PRKCZ: variants seen among roughly 807,000 people sequenced by gnomAD.
PRKCZ encodes the protein protein kinase C zeta type.
In PRKCZ, 33 loss-of-function variants were observed where a neutral mutation model predicts 79.5. That is an observed-to-expected ratio of 0.41 (90% CI 0.31 to 0.55). The LOEUF (loss-of-function observed/expected upper bound fraction) is 0.55. PRKCZ is among the 20% of genes least tolerant of loss of function. The pLI, the probability that PRKCZ is intolerant of heterozygous loss-of-function variation, is 0.19. For synonymous variants in PRKCZ, 342 were observed against 320.9 expected (o/e 1.07, Z -0.70); for missense variants, 578 against 813.5 (o/e 0.71, Z 3.52).
At chr1:2,069,207 T>G (rs1661366731) in intron 4 of PRKCZ, among the ~76,000 whole-genome samples, 1 of 152,070 alleles carries the variant, frequency 6.6e-6, no homozygotes, top group Non-Finnish European at 1.5e-5. Flanking sequence ...GCTGTGCTTG[T>G]TGAAACTGAG....
intron 7 of PRKCZ, 44 bp downstream of exon 7, chr1:2,146,152 C>G (rs756788395): frequency 1.3e-6 from 2 of 1,525,830 alleles, no homozygotes; most frequent in Admixed American, 3.3e-5. Context: ...TGGGCATCAC[C>G]TCACCCTGCT....
rs13302928 is a variant in PRKCZ at position 2,082,783 on chromosome 1, G to A, written c.334+23192G>A. On this transcript the variant is annotated intron_variant, in intron 4 of 17. Transcript: ENST00000378567. The surrounding 1 kb of genome is among the most constrained non-coding windows in gnomAD (Gnocchi z 4.4). ...TCCGGGGGTGGCTTTGAGGACACCTGTCCTCCTTCACAGGGGCACTCCGGA... is the reference window on the plus strand; with the variant it reads ...TCCGGGGGTGGCTTTGAGGACACCTATCCTCCTTCACAGGGGCACTCCGGA... 0.094 allele frequency among the ~76,000 whole-genome samples: 14,252 copies of A among 151,346 alleles called. 872 individuals carry two copies. Among genetic ancestry groups the A allele is most frequent in the Middle Eastern group, 0.14 (41 of 292 alleles).
chr1:2,103,174 GC>G (rs907849809), intron 4 of PRKCZ, among the ~76,000 whole-genome samples: 17 of 152,170 alleles, frequency 1.1e-4, no homozygotes, highest in Non-Finnish European at 2.2e-4. Context: ...TTTTTGGGGG[GC>G]AAGAATTGTA....
Position 2,094,491 on chromosome 1 carries a change from C to T in PRKCZ, c.334+34900C>T, listed in dbSNP as rs1364925268. ...ACCTTGGGCGCTGCCCGTTCTGAGG[C>T]GCCCTCTGTGCCCGGCTCGTTGAAC... On this transcript the variant is annotated intron_variant, in intron 4 of 17. Transcript: ENST00000378567. The surrounding 1 kb of genome is among the most constrained non-coding windows in gnomAD (Gnocchi z 7.3). Among the ~76,000 whole-genome samples the T allele has an allele frequency of 8.4e-5, 12 of 143,390 alleles. No homozygotes were observed. The highest frequency in any genetic ancestry group is 4.4e-4 in the South Asian group (2 of 4,502). 94.1% of individuals were successfully genotyped at this position (143,390 alleles called of 152,430 possible).
Position 2,174,005 on chromosome 1 carries a change from A to G in PRKCZ, c.1394A>G (p.Tyr465Cys), listed in dbSNP as rs1395797132. 3.1e-6 allele frequency: 5 copies of G among 1,609,240 alleles called. No homozygotes were observed. Among genetic ancestry groups the G allele is most frequent in the African/African-American group, 1.3e-5 (1 of 74,730 alleles). ...AACCCGGACATGAACACAGAGGACT[A>G]CCTTTTCCAAGGTGCGTGCCCCGCT... ...TDNPDMNTEDYLFQVILEKPI... is the reference protein window; with the variant it reads ...TDNPDMNTEDCLFQVILEKPI... Residue 465 changes from tyrosine to cysteine, a missense_variant, in exon 14 of 18, where the codon TAC (tyrosine) becomes TGC (cysteine). Transcript: ENST00000378567. This position sits in a 1 kb window ranked among gnomAD's most constrained non-coding sequence, Gnocchi z 6.2.
At chr1:2,117,602 A>G (rs1373788733) in intron 4 of PRKCZ, among the ~76,000 whole-genome samples, 3 of 152,160 alleles carry the variant, frequency 2.0e-5, no homozygotes, top group Non-Finnish European at 2.9e-5. Context: ...GGTGACAGCC[A>G]CATCCTCTCG....
Position 2,090,296 on chromosome 1 carries a change from T to G in PRKCZ, c.334+30705T>G, listed in dbSNP as rs147014851. ...CAAGGGGTTCCCATGGCCTGGCCGG[T>G]CTGCAGTCCTTGTAGTCAGCTGCAC... On this transcript the variant is annotated intron_variant, in intron 4 of 17. Coordinates refer to ENST00000378567, the MANE Select transcript of PRKCZ (RefSeq NM_002744.6). 1.7e-3 allele frequency among the ~76,000 whole-genome samples: 262 copies of G among 152,298 alleles called. 2 individuals are homozygous for G. The highest frequency in any genetic ancestry group is 5.7e-3 in the African/African-American group (236 of 41,562).
chr1:2,174,003 C>T lies in PRKCZ; in HGVS notation c.1392C>T (p.Asp464=), dbSNP rs1325691087. ...ITDNPDMNTE[D]YLFQVILEKP... is the part of the protein sequence containing the mutation. The stretch of plus-strand genomic sequence containing the variant: ...ACAACCCGGACATGAACACAGAGGA[C>T]TACCTTTTCCAAGGTGCGTGCCCCG... Residue 464 remains aspartate, a synonymous_variant, in exon 14 of 18, where the codon GAC becomes GAT. Transcript: ENST00000378567. The surrounding 1 kb of genome is among the most constrained non-coding windows in gnomAD (Gnocchi z 6.2). 6.2e-7 allele frequency: 1 copy of T among 1,609,704 alleles called. No homozygotes were observed. The highest frequency in any genetic ancestry group is 8.5e-7 in the Non-Finnish European group (1 of 1,177,584).
chr1:2,167,142 G>A (rs1683497682), intron 10 of PRKCZ, among the ~76,000 whole-genome samples: 1 of 152,254 alleles, frequency 6.6e-6, no homozygotes. Context: ...AGCTTGAGCA[G>A]TTGCAAATTA....
intron 10 of PRKCZ, 170 bp downstream of exon 10, chr1:2,156,262 A>G (rs946642795): frequency 3.3e-5 from 19 of 580,124 alleles, no homozygotes; most frequent in East Asian, 1.2e-4. Flanking sequence ...TTGGTGTCAT[A>G]TTAAGTACAT....
At chr1:2,150,667 G>A (rs1405051933) in intron 8 of PRKCZ, 123 bp from the exon 9 acceptor site, 6 of 1,001,150 alleles carry the variant, frequency 6.0e-6, no homozygotes, top group Admixed American at 2.6e-5. Flanking sequence ...ACTGAGACTC[G>A]AATCATGAGG....
chr1:2,126,427 C>G (rs1316777426), intron 4 of PRKCZ, among the ~76,000 whole-genome samples: 1 of 152,030 alleles, frequency 6.6e-6, no homozygotes, highest in Non-Finnish European at 1.5e-5. Context: ...GTGGGTGCTG[C>G]TGGTGGGTAA....
chr1:2,160,899 G>A (rs1350789191), intron 10 of PRKCZ, among the ~76,000 whole-genome samples: 5 of 152,094 alleles, frequency 3.3e-5, no homozygotes, highest in Admixed American at 2.6e-4. Context: ...AGAGGTGAGG[G>A]TGTGACGGGG....
chr1:2,089,881 A>G (rs1359303180), intron 4 of PRKCZ, among the ~76,000 whole-genome samples: 2 of 151,424 alleles, frequency 1.3e-5, no homozygotes, highest in Admixed American at 6.6e-5. Context: ...CCAGGGCAAC[A>G]TAGCGAGATC....
At chr1:2,117,820 T>C (rs1051857217) in intron 4 of PRKCZ, among the ~76,000 whole-genome samples, 6 of 152,110 alleles carry the variant, frequency 3.9e-5, no homozygotes, top group African/African-American at 1.4e-4. Context: ...TCTCCTTTAT[T>C]CTGTTCATAC....
In PRKCZ at chr1:2,184,678, G is replaced by A; in HGVS notation, c.1671G>A (p.Val557=). ...ACACACAGTTCACCAGCGAGCCCGT[G>A]CAGCTGACCCCAGACGATGAGTGAG... ...NFDTQFTSEP[V]QLTPDDEDAI... The change falls in exon 17 of 18, where the codon GTG becomes GTA. Residue 557 remains valine (V), a synonymous_variant. Transcript: ENST00000378567. The A allele has an allele frequency of 6.2e-7, 1 of 1,613,678 alleles. No homozygotes were observed. Among genetic ancestry groups the A allele is most frequent in the Non-Finnish European group, 8.5e-7 (1 of 1,179,826 alleles).
intron 4 of PRKCZ, among the ~76,000 whole-genome samples, chr1:2,109,633 C>T (rs536835347): frequency 1.4e-4 from 21 of 152,290 alleles, no homozygotes; most frequent in South Asian, 2.1e-4. Context: ...GAGTCCCGGC[C>T]GTGGTGAGGA....
rs765483817 is a variant in PRKCZ, at chr1:2,165,928, G to C, written c.975-3590G>C. ...CCCCGGCCGCCCCCTAGGAGGTTTC[G>C]TGAGCTTCCAGCATCCCCCTGCGGC... On this transcript the variant is annotated intron_variant, in intron 10 of 17. Transcript: ENST00000378567. The surrounding 1 kb of genome is among the most constrained non-coding windows in gnomAD (Gnocchi z 4.1). Among the ~76,000 whole-genome samples the C allele has an allele frequency of 2.6e-5, 4 of 152,122 alleles. No individual in the cohort carries two copies. The highest frequency in any genetic ancestry group is 9.7e-5 in the African/African-American group (4 of 41,422).
At chr1:2,134,140 G>T (rs61776568) in intron 4 of PRKCZ, 4,946 of 152,280 alleles carry the variant, frequency 0.032, 132 homozygotes, top group Admixed American at 0.047. Context: ...GGGAGGGCTG[G>T]GTGGGCTGAG....
Sources: gnomAD v4.1 joint callset for allele counts (sites outside exome capture counted in the v4.1 genomes callset) on GRCh38, gnomAD v4.1.1 for gene constraint, Gnocchi (gnomAD v3.1) non-coding constraint, MANE v1.5 for transcripts, NCBI Gene and HGNC (gene_info 2026-07-23, HGNC 2026-07-21) for gene names.